Variants in PCSK2 observed in about 807,000 individuals in gnomAD.
PCSK2 encodes the protein proprotein convertase subtilisin/kexin type 2, also known as neuroendocrine convertase 2.
In PCSK2, 14 loss-of-function variants were observed where a neutral mutation model predicts 69.7. That is an observed-to-expected ratio of 0.20 (90% CI 0.13 to 0.31). PCSK2 has a LOEUF of 0.31. PCSK2 is among the 10% of genes least tolerant of loss of function. The pLI is 1.00. For missense variants in PCSK2, 544 were observed against 842.5 expected, an observed-to-expected ratio of 0.65 and a Z score of 4.39; for synonymous variants, 307 against 320.7, an observed-to-expected ratio of 0.96 and a Z score of 0.46.
At chr20:17,265,527 T>C (rs73249803) in intron 2 of PCSK2, among the ~76,000 whole-genome samples, 8 of 152,356 alleles carry the variant, frequency 5.3e-5, no homozygotes, top group African/African-American at 1.9e-4. Flanking sequence ...ATAGTCATGG[T>C]AAGTTTATTA....
At chr20:17,352,094 C>T (rs923686214) in intron 2 of PCSK2, among the ~76,000 whole-genome samples, 6 of 152,074 alleles carry the variant, frequency 3.9e-5, no homozygotes, top group South Asian at 2.1e-4. Flanking sequence ...CACAATCCCA[C>T]GTATAATAGC....
intron 1 of PCSK2, among the ~76,000 whole-genome samples, chr20:17,235,622 T>C (rs1378389983): frequency 6.6e-6 from 1 of 152,196 alleles, no homozygotes; most frequent in Admixed American, 6.5e-5. Context: ...TTCACTCTTC[T>C]AAAGTTTTAA....
At chr20:17,457,093 G>T (rs544014997) in intron 10 of PCSK2, among the ~76,000 whole-genome samples, 79 of 152,282 alleles carry the variant, frequency 5.2e-4, no homozygotes, top group African/African-American at 1.8e-3. Context: ...TAGCAGTGGA[G>T]GTACCTGCCC....
intron 1 of PCSK2, among the ~76,000 whole-genome samples, chr20:17,252,002 G>A (rs1416829528): frequency 6.6e-6 from 1 of 152,194 alleles, no homozygotes; most frequent in Non-Finnish European, 1.5e-5. Context: ...CTCATAACAT[G>A]GCAGCCTGAG....
chr20:17,255,557 G>T (rs1043522339), intron 1 of PCSK2, among the ~76,000 whole-genome samples: 10 of 152,110 alleles, frequency 6.6e-5, no homozygotes, highest in African/African-American at 2.4e-4. Flanking sequence ...TAGCCAGGAA[G>T]GTCTTGATCT....
chr20:17,301,520 T>G (rs1989081820), intron 2 of PCSK2, among the ~76,000 whole-genome samples: 1 of 152,240 alleles, frequency 6.6e-6, no homozygotes, highest in Admixed American at 6.5e-5. Context: ...TCCAAAGAGC[T>G]TTGATATTTA....
chr20:17,402,843 G>C (rs2031672028), intron 5 of PCSK2, among the ~76,000 whole-genome samples: 1 of 152,088 alleles, frequency 6.6e-6, no homozygotes, highest in South Asian at 2.1e-4. Context: ...TGTAGTCCCA[G>C]CTACTCGGGA....
rs551490160 is a variant in PCSK2, at chr20:17,365,355, T to C, written c.506-3885T>C. Reference sequence around the variant, plus strand: ...CCTAATCACCTCCTAAAGGCCCCACTTCAAAATACTATTGCAACTAGGGAT... The same window carrying C: ...CCTAATCACCTCCTAAAGGCCCCACCTCAAAATACTATTGCAACTAGGGAT... On this transcript the variant is annotated intron_variant, in intron 4 of 11. Transcript: ENST00000262545. Among the ~76,000 whole-genome samples, 30 of 152,240 alleles carry C rather than the reference T, an allele frequency of 2.0e-4. No individual in the cohort carries two copies. The East Asian group carries it at 5.4e-3, about 27-fold the overall frequency.
intron 2 of PCSK2, among the ~76,000 whole-genome samples, chr20:17,351,902 T>C (rs1402761771): frequency 2.0e-5 from 3 of 152,110 alleles, no homozygotes; most frequent in African/African-American, 4.8e-5. Context: ...AAAGAGGAAG[T>C]CAACTTATAT....
At chr20:17,373,365 T>C (rs1174164456) in intron 5 of PCSK2, among the ~76,000 whole-genome samples, 1 of 152,158 alleles carries the variant, frequency 6.6e-6, no homozygotes, top group South Asian at 2.1e-4. Context: ...GGGGTATTTA[T>C]GTGACAACTT....
At position 17,381,047 on chromosome 20, in the gene PCSK2, G is replaced by A. The variant is rs182533659; in HGVS notation, c.543+11770G>A. On this transcript the variant is annotated intron_variant, in intron 5 of 11. Transcript: ENST00000262545. The stretch of plus-strand genomic sequence containing the variant: ...AGGAATCCTGATCTTACATTAGAGC[G>A]GTCTGGAGCTTTAGGCAAAGCAGAA... Among the ~76,000 whole-genome samples the A allele has an allele frequency of 1.3e-3, 202 of 152,276 alleles. 5 individuals are homozygous for A. In the South Asian group the frequency reaches 0.039, roughly 29 times the overall value.
intron 5 of PCSK2, among the ~76,000 whole-genome samples, chr20:17,399,613 G>C (rs1239410536): frequency 2.0e-5 from 3 of 152,176 alleles, no homozygotes; most frequent in Non-Finnish European, 4.4e-5. Flanking sequence ...GCACTTAGCA[G>C]AGACTTTGTC....
chr20:17,267,978 T>G (rs989358644), intron 2 of PCSK2, among the ~76,000 whole-genome samples: 2 of 147,348 alleles, frequency 1.4e-5, no homozygotes, highest in Non-Finnish European at 3.0e-5. Flanking sequence ...CTCACCTGAT[T>G]CCCTCCCCAA....
intron 2 of PCSK2, among the ~76,000 whole-genome samples, chr20:17,289,047 G>A (rs975266808): frequency 3.9e-5 from 6 of 152,198 alleles, no homozygotes; most frequent in Non-Finnish European, 7.4e-5. Flanking sequence ...CTTGTGCCTA[G>A]AAAGAAGCAT....
At chr20:17,454,038 G>C (rs1455791553) in intron 9 of PCSK2, 81 bp downstream of exon 9, 2 of 1,571,686 alleles carry the variant, frequency 1.3e-6, no homozygotes, top group African/African-American at 2.7e-5. Flanking sequence ...ACACTGGCTT[G>C]CTCCCCTCCT....
At chr20:17,414,619 G>T (rs1248039516) in intron 6 of PCSK2, among the ~76,000 whole-genome samples, 1 of 152,188 alleles carries the variant, frequency 6.6e-6, no homozygotes, top group Non-Finnish European at 1.5e-5. Flanking sequence ...AAGAGGAGCG[G>T]TTACCGTTCC....
At chr20:17,249,127 A>G (rs547583622) in intron 1 of PCSK2, among the ~76,000 whole-genome samples, 7 of 152,296 alleles carry the variant, frequency 4.6e-5, no homozygotes, top group African/African-American at 1.4e-4. Context: ...TAGGAAATAC[A>G]TGACCTTTCT....
At chr20:17,381,623 A>G (rs2031088836) in intron 5 of PCSK2, among the ~76,000 whole-genome samples, 1 of 152,222 alleles carries the variant, frequency 6.6e-6, no homozygotes, top group African/African-American at 2.4e-5. Flanking sequence ...TCCAGAATCA[A>G]AAGAGTATAA....
intron 5 of PCSK2, among the ~76,000 whole-genome samples, chr20:17,405,837 T>C (rs1285510200): frequency 6.6e-6 from 1 of 152,160 alleles, no homozygotes; most frequent in Non-Finnish European, 1.5e-5. Context: ...CAGAAGTTTC[T>C]CCCAGAAATA....
Sources: gnomAD v4.1 joint callset for allele counts (sites outside exome capture counted in the v4.1 genomes callset) on GRCh38, gnomAD v4.1.1 for gene constraint, MANE v1.5 for transcripts, NCBI Gene and HGNC (gene_info 2026-07-23, HGNC 2026-07-21) for gene names.